PCDHGA8: variants seen among roughly 807,000 people sequenced by gnomAD.
PCDHGA8 encodes the protein protocadherin gamma-A8.
PCDHGA8 carries 45 observed loss-of-function variants against 59.2 expected under a neutral mutation model. That is an observed-to-expected ratio of 0.76 (90% confidence interval 0.60 to 0.98). The LOEUF (loss-of-function observed/expected upper bound fraction) is 0.98. Among genes scored for constraint, PCDHGA8 ranks in the 50% least tolerant of loss-of-function variants. PCDHGA8 has a pLI of 0.00. For synonymous variants in PCDHGA8, 531 were observed against 519.0 expected (o/e 1.02, Z -0.32); for missense variants, 1,257 against 1,196.2 (o/e 1.05, Z -0.75).
At chr5:141,461,278 C>T (rs2099012353) in intron 1 of PCDHGA8, among the ~76,000 whole-genome samples, 1 of 152,086 alleles carries the variant, frequency 6.6e-6, no homozygotes, top group South Asian at 2.1e-4. Context: ...GTTCTCTTTT[C>T]CCCACATCCA....
At chr5:141,471,508 G>A (rs1262338812) in intron 1 of PCDHGA8, 3 of 152,216 alleles carry the variant, frequency 2.0e-5, no homozygotes, top group African/African-American at 7.2e-5. Context: ...AAGAGAGGGA[G>A]TAAAAATAAC....
chr5:141,419,943 C>G (rs2096450865), intron 1 of PCDHGA8: 4 of 1,614,070 alleles, frequency 2.5e-6, no homozygotes, highest in Non-Finnish European at 3.4e-6. Flanking sequence ...CTGGTGGTGG[C>G]CTTGGCCTTG....
intron 1 of PCDHGA8, chr5:141,408,721 C>T (rs994778084): frequency 6.2e-7 from 1 of 1,611,372 alleles, no homozygotes; most frequent in Non-Finnish European, 8.5e-7. Flanking sequence ...ATAAGATAAA[C>T]TCTAATCCTT....
intron 1 of PCDHGA8, chr5:141,400,133 C>G: frequency 3.7e-6 from 6 of 1,614,066 alleles, no homozygotes; most frequent in Non-Finnish European, 5.1e-6. Flanking sequence ...GAGGTGCTGC[C>G]GGATATCACT....
chr5:141,470,297 T>A (rs2099227289), intron 1 of PCDHGA8, among the ~76,000 whole-genome samples: 2 of 152,348 alleles, frequency 1.3e-5, no homozygotes, highest in Admixed American at 1.3e-4. Flanking sequence ...TAACTGTTTT[T>A]ATTCCATTTT....
In PCDHGA8 at chr5:141,431,321, G is replaced by A. The variant is rs112186927; in HGVS notation, c.2424+36084G>A. The A allele has an allele frequency of 1.2e-6, 2 of 1,613,938 alleles. No individual in the cohort carries two copies. The highest frequency in any genetic ancestry group is 1.3e-5 in the African/African-American group (1 of 74,910). ...CCTCATCGTGCAAAATGGAGCCGAC[G>A]GTAGTAAGTACCCCGAATTGGTGCT... is the stretch of plus-strand genomic sequence containing the variant. On this transcript the variant is annotated intron_variant, in intron 1 of 3. Transcript: ENST00000398604. The surrounding 1 kb of genome is among the most constrained non-coding windows in gnomAD (Gnocchi z 4.8).
At chr5:141,413,468 A>C in intron 1 of PCDHGA8, 1 of 1,614,072 alleles carries the variant, frequency 6.2e-7, no homozygotes, top group South Asian at 1.1e-5. Context: ...GACCGGGAGG[A>C]GCTCTGCGCT....
At chr5:141,440,617 C>T (rs1469883341) in intron 1 of PCDHGA8, 1 of 152,168 alleles carries the variant, frequency 6.6e-6, no homozygotes, top group East Asian at 1.9e-4. Context: ...TGCAGAAGAT[C>T]CTGATGTTGA....
chr5:141,511,695 C>T lies in PCDHGA8; in HGVS notation c.*522C>T, dbSNP rs1009832192. 1 of 195,662 alleles carries T rather than the reference C, an allele frequency of 5.1e-6. No individual in the cohort carries two copies. Among genetic ancestry groups the T allele is most frequent in the Non-Finnish European group, 1.1e-5 (1 of 92,626 alleles). The allele number at this position is 195,662 out of a possible 1,614,324, so 12.1% of individuals were successfully genotyped here. On this transcript the variant is annotated 3_prime_UTR_variant, in exon 4 of 4. Coordinates refer to ENST00000398604, the MANE Select transcript of PCDHGA8 (RefSeq NM_032088.2). ...CTTCCCCCAAAGCATGGTTTGGTGC[C>T]AGCCCCTTCACCTCCTTCCAGAGCC...
chr5:141,483,255 GTTTT>G (rs147039946), intron 1 of PCDHGA8, among the ~76,000 whole-genome samples: 7,425 of 152,114 alleles, frequency 0.049, 355 homozygotes, highest in African/African-American at 0.13. Context: ...ATATCATGAG[GTTTT>G]TTTGTTTTAG....
In PCDHGA8 at chr5:141,498,877, G is replaced by A. The variant is rs886444261; in HGVS notation, c.2483+4012G>A. ...GAACCCAGGAGGCGGAGGTTGCAGTGAGCTGAGATCACACCACTGCACTCC... is the reference window on the plus strand; with the variant it reads ...GAACCCAGGAGGCGGAGGTTGCAGTAAGCTGAGATCACACCACTGCACTCC... On this transcript the variant is annotated intron_variant, in intron 2 of 3. Coordinates refer to ENST00000398604, the MANE Select transcript of PCDHGA8 (RefSeq NM_032088.2). Among the ~76,000 whole-genome samples, 8 of 149,816 alleles carry A rather than the reference G, an allele frequency of 5.3e-5. No individual in the cohort carries two copies. In the East Asian group the frequency reaches 1.4e-3, roughly 26 times the overall value.
At chr5:141,419,917 T>C in intron 1 of PCDHGA8, 1 of 1,612,890 alleles carries the variant, frequency 6.2e-7, no homozygotes, top group Non-Finnish European at 8.5e-7. Context: ...ACTCCCAGGC[T>C]GAGATGCAGT....
Position 141,462,764 on chromosome 5 carries a change from G to C in PCDHGA8, c.2425-32043G>C, listed in dbSNP as rs150842317. Among the ~76,000 whole-genome samples, 589 of 152,084 alleles carry C rather than the reference G, an allele frequency of 3.9e-3. 5 individuals are homozygous for C. Among genetic ancestry groups the C allele is most frequent in the Admixed American group, 0.011 (169 of 15,274 alleles). ...AATTCCTATGATGATTTTCTTCCTG[G>C]CTTGGGGTCATAATTTGTTGCTTAT... On this transcript the variant is annotated intron_variant, in intron 1 of 3. Transcript: ENST00000398604.
At chr5:141,456,701 G>C (rs370086323) in intron 1 of PCDHGA8, among the ~76,000 whole-genome samples, 1 of 151,988 alleles carries the variant, frequency 6.6e-6, no homozygotes. Flanking sequence ...GTGGTGGCTC[G>C]CGCCTGTAAT....
At chr5:141,438,633 TATACACACAC>T (rs1369232099) in intron 1 of PCDHGA8, among the ~76,000 whole-genome samples, 454 of 33,892 alleles carry the variant, frequency 0.013, 1 homozygote, top group Non-Finnish European at 0.019. Flanking sequence ...TATATATATA[TATACACACAC>T]ACACACACAT....
Position 141,477,704 on chromosome 5 carries a change from C to T in PCDHGA8, c.2425-17103C>T, listed in dbSNP as rs772195653. 30 of 1,613,968 alleles carry T rather than the reference C, an allele frequency of 1.9e-5. No homozygotes were observed. Among genetic ancestry groups the T allele is most frequent in the Admixed American group, 6.7e-5 (4 of 60,026 alleles). On this transcript the variant is annotated intron_variant, in intron 1 of 3. Transcript: ENST00000398604. This position sits in a 1 kb window ranked among gnomAD's most constrained non-coding sequence, Gnocchi z 4.9. Reference sequence around the variant, plus strand: ...CTTAGTGCCCCTAGACTATGAGGATCGGCGGGAATTTGAATTAACAGCTCA... The same window carrying T: ...CTTAGTGCCCCTAGACTATGAGGATTGGCGGGAATTTGAATTAACAGCTCA...
chr5:141,489,867 G>C lies in PCDHGA8; in HGVS notation c.2425-4940G>C. ...ATCGTGAAGCCCAGGCAAGACATCA[G>C]CTGGTGCTTACTGCTGTGGATGGGG... On this transcript the variant is annotated intron_variant, in intron 1 of 3. Transcript: ENST00000398604. This position sits in a 1 kb window ranked among gnomAD's most constrained non-coding sequence, Gnocchi z 4.5. 1 of 1,614,240 alleles carries C rather than the reference G, an allele frequency of 6.2e-7. No individual in the cohort carries two copies. Among genetic ancestry groups the C allele is most frequent in the Non-Finnish European group, 8.5e-7 (1 of 1,180,034 alleles).
At chr5:141,492,191 G>A (rs996614987) in intron 1 of PCDHGA8, among the ~76,000 whole-genome samples, 1 of 152,204 alleles carries the variant, frequency 6.6e-6, no homozygotes, top group African/African-American at 2.4e-5. Context: ...ACCTGTCTGC[G>A]GGACTTAGGT....
rs976135607 is a variant in PCDHGA8 at position 141,489,115 on chromosome 5, C to A, written c.2425-5692C>A. ...CTAAGAACTGCTGCAAGCAGGCAAA[C>A]CTCCGAGCAGTTTTTAAGAGGCTGG... On this transcript the variant is annotated intron_variant, in intron 1 of 3. Coordinates refer to ENST00000398604, the MANE Select transcript of PCDHGA8 (RefSeq NM_032088.2). This position sits in a 1 kb window ranked among gnomAD's most constrained non-coding sequence, Gnocchi z 4.5. 7.3e-5 allele frequency: 37 copies of A among 506,794 alleles called. No homozygotes were observed. Among genetic ancestry groups the A allele is most frequent in the Non-Finnish European group, 1.2e-4 (35 of 298,604 alleles). 31.4% of individuals were successfully genotyped at this position (506,794 alleles called of 1,614,324 possible).
Sources: allele counts gnomAD v4.1 joint callset (sites outside exome capture counted in the v4.1 genomes callset), GRCh38; gene constraint gnomAD v4.1.1; non-coding constraint Gnocchi (gnomAD v3.1); transcripts MANE v1.5; gene names NCBI Gene and HGNC (gene_info 2026-07-23, HGNC 2026-07-21).